Variants in DGKZ observed in about 807,000 individuals in gnomAD.
DGKZ encodes the protein DAG kinase zeta.
A neutral mutation model predicts 142.5 loss-of-function variants in DGKZ; 45 were observed. That is an observed-to-expected ratio of 0.32 (90% CI 0.25 to 0.40). The LOEUF (loss-of-function observed/expected upper bound fraction) is 0.40, where lower values mean the gene tolerates loss of function less well. Ranked by LOEUF, DGKZ falls within the 10% of genes least tolerant of loss-of-function variation. The pLI is 1.00. For missense variants in DGKZ, 755 were observed against 1,306.5 expected (o/e 0.58, Z 6.51); for synonymous variants, 442 against 527.0 (o/e 0.84, Z 2.21).
At chr11:46,376,017 G>T (rs1434492917) in intron 21 of DGKZ, 49 bp from the exon 22 acceptor site, 2 of 1,611,914 alleles carry the variant, frequency 1.2e-6, no homozygotes, top group Admixed American at 1.7e-5. Flanking sequence ...GCCCCCTTGG[G>T]CAGGGCTGTG....
Position 46,366,363 on chromosome 11 carries a change from G to A in DGKZ, c.162-928G>A, listed in dbSNP as rs761040555. On this transcript the variant is annotated intron_variant, in intron 1 of 30. Coordinates refer to ENST00000527911, the Ensembl canonical transcript of DGKZ. Reference sequence around the variant, plus strand: ...CTGCCCACAGGCAAGGCCCGGCGTCGCTCCCCCGCTGGGCAGGCCTCCTCC... The same window carrying A: ...CTGCCCACAGGCAAGGCCCGGCGTCACTCCCCCGCTGGGCAGGCCTCCTCC... 37 of 1,521,936 alleles carry A rather than the reference G, an allele frequency of 2.4e-5. No homozygotes were observed. The Middle Eastern group carries it at 5.6e-4, about 23-fold the overall frequency. 94.3% of individuals were successfully genotyped at this position (1,521,936 alleles called of 1,614,324 possible).
chr11:46,368,142 C>T (rs1489994055), intron 4 of DGKZ, 63 bp downstream of exon 4: 8 of 1,526,506 alleles, frequency 5.2e-6, no homozygotes, highest in Admixed American at 5.1e-5. Context: ...TTTCAGCGCG[C>T]ACTCACACCC....
intron 4 of DGKZ, 24 bp downstream of exon 4, chr11:46,368,103 C>T (rs376980814): frequency 2.5e-5 from 41 of 1,613,016 alleles, no homozygotes; most frequent in African/African-American, 4.0e-5. Context: ...TCAGCTTTGC[C>T]CGCCCCTGCC....
upstream of DGKZ, among the ~76,000 whole-genome samples, chr11:46,346,903 TTAAG>T (rs1379860891): frequency 6.6e-6 from 1 of 152,212 alleles, no homozygotes; most frequent in Non-Finnish European, 1.5e-5. Context: ...GTGCGAGTCA[TTAAG>T]TGACTTTGGT....
At chr11:46,364,568 A>G (rs1258710274) in intron 1 of DGKZ, 7 of 985,272 alleles carry the variant, frequency 7.1e-6, no homozygotes, top group Non-Finnish European at 8.4e-6. Flanking sequence ...AGAGACCAAG[A>G]GCTGAGCTGT....
rs763360595 is a variant in DGKZ, at chr11:46,369,408, C to T, written c.445-86C>T. The T allele has an allele frequency of 1.9e-5, 29 of 1,528,556 alleles. 1 individual carries two copies. Among genetic ancestry groups the T allele is most frequent in the South Asian group, 1.7e-4 (15 of 89,036 alleles). 94.7% of individuals were successfully genotyped at this position (1,528,556 alleles called of 1,614,324 possible). A position where few individuals can be genotyped will look rare whatever the true frequency, so the allele number is the denominator to read the frequency against. On this transcript the variant is annotated intron_variant, in intron 4 of 30. Transcript: ENST00000527911. ...GGGTATCCCCACCTTGTGAGGATGA[C>T]TCTGGGTTGTCCTGGAGGGAGTGAC...
At chr11:46,336,622 A>C (rs536884437) in intron 1 of DGKZ, among the ~76,000 whole-genome samples, 2 of 152,200 alleles carry the variant, frequency 1.3e-5, no homozygotes, top group Non-Finnish European at 2.9e-5. Flanking sequence ...TGTGTCACCC[A>C]GGCTGGAGTG....
In DGKZ at chr11:46,349,411, T is replaced by C. The variant is rs7943392; in HGVS notation, c.161+1591T>C. ...TATCAAGTGTTGGGTTCTTCTGACC[T>C]GTGGCTGTGCCCCTTCTGAAGGGCA... is the stretch of plus-strand genomic sequence containing the variant. On this transcript the variant is annotated intron_variant, in intron 1 of 30. Coordinates refer to ENST00000527911, the Ensembl canonical transcript of DGKZ. Among the ~76,000 whole-genome samples, 1,225 of 152,274 alleles carry C rather than the reference T, an allele frequency of 8.0e-3. 10 individuals are homozygous for C. Among genetic ancestry groups the C allele is most frequent in the African/African-American group, 0.028 (1,183 of 41,544 alleles).
At chr11:46,351,185 G>T (rs1941339007) in intron 1 of DGKZ, among the ~76,000 whole-genome samples, 1 of 152,120 alleles carries the variant, frequency 6.6e-6, no homozygotes, top group Non-Finnish European at 1.5e-5. Flanking sequence ...GGTCTCAGCA[G>T]CCTGATCCTG....
At chr11:46,366,595 T>C (rs1943291430) in intron 1 of DGKZ, 1 of 1,608,062 alleles carries the variant, frequency 6.2e-7, no homozygotes, top group Non-Finnish European at 8.5e-7. Context: ...TGACCGGGCT[T>C]GTGGGCATGA....
chr11:46,372,545 G>A lies in DGKZ; in HGVS notation c.1010+35G>A, dbSNP rs193000385. The A allele has an allele frequency of 2.2e-5, 36 of 1,613,872 alleles. No homozygotes were observed. In the East Asian group the frequency reaches 6.5e-4, roughly 29 times the overall value. ...TGCCAAGGTTTTGTGGGGGACATGGGGGGGAACTTGCCTCACTCCTGGGGT... is the reference window on the plus strand; with the variant it reads ...TGCCAAGGTTTTGTGGGGGACATGGAGGGGAACTTGCCTCACTCCTGGGGT... On this transcript the variant is annotated intron_variant, in intron 11 of 30. Coordinates refer to ENST00000527911, the Ensembl canonical transcript of DGKZ. This position sits in a 1 kb window ranked among gnomAD's most constrained non-coding sequence, Gnocchi z 5.9.
chr11:46,374,286 C>T lies in DGKZ; in HGVS notation c.1405+51C>T, dbSNP rs556312899. ...GGCAGGGTGGGCACAGGAGTGTCCC[C>T]GGGAGGGTCAGACCCTGCTCCCGCC... is the stretch of plus-strand genomic sequence containing the variant. On this transcript the variant is annotated intron_variant, in intron 15 of 30. Transcript: ENST00000527911. The T allele has an allele frequency of 1.4e-4, 223 of 1,612,458 alleles. No homozygotes were observed. The South Asian group carries it at 2.2e-3, about 16-fold the overall frequency.
intron 1 of DGKZ, among the ~76,000 whole-genome samples, chr11:46,354,855 A>G (rs1455286137): frequency 6.6e-6 from 1 of 152,214 alleles, no homozygotes; most frequent in Admixed American, 6.5e-5. Flanking sequence ...AGATTTAACC[A>G]TCCTAAACAT....
rs182846843 is a variant in DGKZ at position 46,379,989 on chromosome 11, G to C, written c.*42G>C. The C allele has an allele frequency of 3.9e-6, 6 of 1,551,112 alleles. No individual in the cohort carries two copies. The East Asian group carries it at 1.4e-4, about 36-fold the overall frequency. Reference sequence around the variant, plus strand: ...AGCAGGAGGGACAATGCGGCCAGGGGACGAGCGCCTTCCTTGCCCACCTCA... The same window carrying C: ...AGCAGGAGGGACAATGCGGCCAGGGCACGAGCGCCTTCCTTGCCCACCTCA... On this transcript the variant is annotated 3_prime_UTR_variant, in exon 31 of 31. Transcript: ENST00000527911.
Position 46,374,375 on chromosome 11 carries a change from C to T in DGKZ, c.1406-24C>T, listed in dbSNP as rs200642360. 791 of 1,613,992 alleles carry T rather than the reference C, an allele frequency of 4.9e-4. 4 individuals carry two copies. The African/African-American group carries it at 8.8e-3, about 18-fold the overall frequency. On this transcript the variant is annotated intron_variant, in intron 15 of 30. Transcript: ENST00000527911. Reference sequence around the variant, plus strand: ...TGGGCAGGCTGGGGTGACTCACTGGCCCCCACTGCTTGTCTCCACCCAGAG... The same window carrying T: ...TGGGCAGGCTGGGGTGACTCACTGGTCCCCACTGCTTGTCTCCACCCAGAG...
intron 1 of DGKZ, among the ~76,000 whole-genome samples, chr11:46,353,990 G>A (rs1717705570): frequency 6.6e-6 from 1 of 152,174 alleles, no homozygotes; most frequent in Admixed American, 6.5e-5. Context: ...GGGCGGTTGT[G>A]AAAGGGGGCA....
intron 1 of DGKZ, among the ~76,000 whole-genome samples, chr11:46,341,554 G>A (rs1940275678): frequency 6.6e-6 from 1 of 152,208 alleles, no homozygotes; most frequent in Non-Finnish European, 1.5e-5. Flanking sequence ...GGAACTGTCA[G>A]ATCTAGAGCA....
chr11:46,379,144 C>T (rs1360603279), intron 28 of DGKZ, 33 bp downstream of exon 28: 1 of 1,611,232 alleles, frequency 6.2e-7, no homozygotes, highest in East Asian at 2.2e-5. Context: ...GGGCCTGGGG[C>T]CAAGGTGGGA....
At chr11:46,350,044 T>C (rs1398528372) in intron 1 of DGKZ, among the ~76,000 whole-genome samples, 1 of 152,132 alleles carries the variant, frequency 6.6e-6, no homozygotes, top group East Asian at 1.9e-4. Context: ...ATAGGATGCC[T>C]GATGAGAGGA....
Sources: allele counts gnomAD v4.1 joint callset (sites outside exome capture counted in the v4.1 genomes callset), GRCh38; gene constraint gnomAD v4.1.1; non-coding constraint Gnocchi (gnomAD v3.1); transcripts MANE v1.5; gene names NCBI Gene and HGNC (gene_info 2026-07-23, HGNC 2026-07-21).